The following AMBRA1 variants were observed in gnomAD, a reference collection of about 807,000 sequenced individuals.
The protein encoded by AMBRA1 is activating molecule in BECN1-regulated autophagy protein 1.
Under a neutral mutation model 125.4 loss-of-function variants are expected in AMBRA1, and 47 were observed. The observed-to-expected ratio is 0.37, with a 90% CI of 0.30 to 0.48. The LOEUF (loss-of-function observed/expected upper bound fraction) is 0.48, where lower values mean the gene tolerates loss of function less well. Ranked by LOEUF, AMBRA1 falls within the 20% of genes least tolerant of loss-of-function variation. The pLI, the probability that AMBRA1 is intolerant of heterozygous loss-of-function variation, is 0.99. For missense variants in AMBRA1, 1,331 were observed against 1,693.4 expected (o/e 0.79, Z 3.76); for synonymous variants, 626 against 655.5 (o/e 0.95, Z 0.69).
In AMBRA1 at chr11:46,494,156, C is replaced by T. The variant is rs780533083; in HGVS notation, c.2388G>A (p.Met796Ile). 40 of 1,608,826 alleles carry T rather than the reference C, an allele frequency of 2.5e-5. No homozygotes were observed. The highest frequency in any genetic ancestry group is 3.4e-5 in the Non-Finnish European group (40 of 1,177,502). ...SRHRAPRNAR[M>I]SAPSLGRFVP... is the part of the protein sequence containing the mutation. ...CAAAGCGTCCAAGCGAAGGTGCAGA[C>T]ATCCGGGCATTGCGTGGAGCTCGGT... Residue 796 changes from methionine to isoleucine, a missense_variant, in exon 10 of 18, where the codon ATG becomes ATA. Coordinates refer to ENST00000683756, the MANE Select transcript of AMBRA1 (RefSeq NM_001387011.1).
intron 7 of AMBRA1, 51 bp from the exon 8 acceptor site, chr11:46,512,864 A>G: frequency 6.6e-7 from 1 of 1,520,638 alleles, no homozygotes; most frequent in South Asian, 1.2e-5. Flanking sequence ...ACCAACTCAG[A>G]GGTCATTCAT....
At chr11:46,573,036 G>C (rs1388148270) in intron 1 of AMBRA1, among the ~76,000 whole-genome samples, 1 of 151,702 alleles carries the variant, frequency 6.6e-6, no homozygotes, top group Non-Finnish European at 1.5e-5. Context: ...GGGAGGTGGA[G>C]GTTGGACTGA....
intron 11 of AMBRA1, among the ~76,000 whole-genome samples, chr11:46,472,492 A>C (rs1949637461): frequency 6.6e-6 from 1 of 152,210 alleles, no homozygotes; most frequent in Admixed American, 6.5e-5. Context: ...TCTGGAAGGA[A>C]CATAGCGGTA....
chr11:46,408,489 C>T (rs995230718), intron 17 of AMBRA1, 24 bp downstream of exon 17: 1 of 1,493,274 alleles, frequency 6.7e-7, no homozygotes, highest in Non-Finnish European at 9.0e-7. Context: ...TCTCCCACCC[C>T]CTCCAGCGCC....
At chr11:46,478,334 T>C (rs986265254) in intron 11 of AMBRA1, among the ~76,000 whole-genome samples, 11 of 152,340 alleles carry the variant, frequency 7.2e-5, no homozygotes, top group Admixed American at 7.2e-4. Flanking sequence ...CGGGTACAGG[T>C]TCACTTACAG....
Position 46,417,968 on chromosome 11 carries a change from C to G in AMBRA1, c.3061G>C (p.Gly1021Arg), listed in dbSNP as rs753150003. 6.2e-7 allele frequency: 1 copy of G among 1,611,336 alleles called. No homozygotes were observed. Among genetic ancestry groups the G allele is most frequent in the Non-Finnish European group, 8.5e-7 (1 of 1,177,992 alleles). Residue 1021 changes from glycine (G) to arginine (R), a missense_variant, in exon 15 of 18, where the codon GGG (glycine) becomes CGG (arginine). Physicochemically the swap from Gly to Arg is moderately radical, Grantham distance 125 (BLOSUM62 -2). Around this residue, in one of 4 missense-constraint regions of AMBRA1, gnomAD observed 354 missense variants for 532.7 expected, o/e 0.66. Coordinates refer to ENST00000683756, the MANE Select transcript of AMBRA1 (RefSeq NM_001387011.1). Reference protein sequence around the residue: ...INSARWLPEPGLGLAYGTNKG... With the variant: ...INSARWLPEPRLGLAYGTNKG... The stretch of plus-strand genomic sequence containing the variant: ...TTAGTACCATAGGCCAAGCCAAGCC[C>G]TGGCTCAGGCAGCCAACGGGCAGAG...
At chr11:46,525,243 G>C (rs1202935784) in intron 7 of AMBRA1, among the ~76,000 whole-genome samples, 2 of 152,200 alleles carry the variant, frequency 1.3e-5, no homozygotes, top group Non-Finnish European at 2.9e-5. Flanking sequence ...TGAGGCTGCA[G>C]TGAGCTGAGA....
rs190476058 is a variant in AMBRA1 at position 46,545,675 on chromosome 11, G to A, written c.480C>T (p.Ile160=). ...CCCGTCGACTCCAGTCCCAGAAGTG[G>A]ATCTCATTGGCAGTGGCAATCAGCA... The part of the protein sequence containing the change: ...QLLLIATANE[I]HFWDWSRREP... Residue 160 remains isoleucine (I), a synonymous_variant, in exon 5 of 18, where the codon ATC becomes ATT. Coordinates refer to ENST00000683756, the MANE Select transcript of AMBRA1 (RefSeq NM_001387011.1). 5.0e-6 allele frequency: 8 copies of A among 1,614,190 alleles called. No homozygotes were observed. Among genetic ancestry groups the A allele is most frequent in the Middle Eastern group, 1.6e-4 (1 of 6,062 alleles).
chr11:46,468,784 C>T (rs1220184351), intron 11 of AMBRA1, among the ~76,000 whole-genome samples: 1 of 148,920 alleles, frequency 6.7e-6, no homozygotes, highest in African/African-American at 2.5e-5. Flanking sequence ...TGCACTCCAG[C>T]CTGGGCGGCA....
chr11:46,500,904 G>C (rs1950812561), intron 9 of AMBRA1, among the ~76,000 whole-genome samples: 1 of 152,066 alleles, frequency 6.6e-6, no homozygotes, highest in Non-Finnish European at 1.5e-5. Flanking sequence ...TATCTTTTTA[G>C]ATACTTATGT....
intron 11 of AMBRA1, among the ~76,000 whole-genome samples, chr11:46,473,946 G>A (rs776930166): frequency 2.0e-5 from 3 of 152,140 alleles, no homozygotes; most frequent in Non-Finnish European, 2.9e-5. Context: ...CACCGCACCC[G>A]GACAGGATCC....
chr11:46,511,064 T>C (rs528713379), intron 8 of AMBRA1, among the ~76,000 whole-genome samples: 1 of 152,352 alleles, frequency 6.6e-6, no homozygotes, highest in Non-Finnish European at 1.5e-5. Flanking sequence ...AAGATCACAG[T>C]AGGATAAATA....
At chr11:46,445,605 T>C (rs1408386936) in intron 11 of AMBRA1, among the ~76,000 whole-genome samples, 1 of 152,208 alleles carries the variant, frequency 6.6e-6, no homozygotes, top group Non-Finnish European at 1.5e-5. Context: ...AATCATTCTT[T>C]AGTTACAAGG....
At chr11:46,417,100 G>C (rs921958126) in intron 15 of AMBRA1, among the ~76,000 whole-genome samples, 1 of 150,904 alleles carries the variant, frequency 6.6e-6, no homozygotes, top group Non-Finnish European at 1.5e-5. Flanking sequence ...TCGCTAGGTT[G>C]GCGTGCAATG....
chr11:46,408,751 G>T, intron 16 of AMBRA1, 45 bp from the exon 17 acceptor site: 1 of 1,473,990 alleles, frequency 6.8e-7, no homozygotes, highest in Non-Finnish European at 9.1e-7. Context: ...GCTTGGGACA[G>T]CACCCCTCAC....
intron 1 of AMBRA1, among the ~76,000 whole-genome samples, chr11:46,565,420 T>C (rs868445261): frequency 5.1e-4 from 78 of 152,230 alleles, no homozygotes; most frequent in African/African-American, 1.8e-3. Context: ...CAAAAACTTG[T>C]TATCAGCTGG....
intron 17 of AMBRA1, among the ~76,000 whole-genome samples, chr11:46,407,072 G>A (rs1565123661): frequency 6.6e-6 from 1 of 152,152 alleles, no homozygotes; most frequent in Non-Finnish European, 1.5e-5. Flanking sequence ...CCAGCTACTT[G>A]GGAGGCTGAG....
chr11:46,456,370 A>G (rs1324166431), intron 11 of AMBRA1, among the ~76,000 whole-genome samples: 2 of 152,178 alleles, frequency 1.3e-5, no homozygotes, highest in Non-Finnish European at 2.9e-5. Flanking sequence ...ACAACCTGAC[A>G]CTGCCAATAC....
intron 11 of AMBRA1, among the ~76,000 whole-genome samples, chr11:46,477,621 C>T (rs1464613845): frequency 2.6e-5 from 4 of 152,112 alleles, no homozygotes; most frequent in African/African-American, 9.7e-5. Flanking sequence ...AGGCTTGAGC[C>T]ACTGTGCCCA....
Sources: gnomAD v4.1 joint callset for allele counts (sites outside exome capture counted in the v4.1 genomes callset) on GRCh38, gnomAD v4.1.1 for gene constraint, gnomAD v4.1.1 regional missense constraint, MANE v1.5 for transcripts, NCBI Gene and HGNC (gene_info 2026-07-23, HGNC 2026-07-21) for gene names.